The following ARHGAP26 variants were observed in gnomAD, a reference collection of about 807,000 sequenced individuals.
The protein encoded by ARHGAP26 is Rho GTPase activating protein 26.
ARHGAP26 carries 38 observed loss-of-function variants against 104.8 expected under a neutral mutation model. The ratio of observed to expected loss-of-function variants is 0.36; its 90% CI spans 0.28 to 0.48. The LOEUF is 0.48. Ranked by LOEUF, ARHGAP26 falls within the 20% of genes least tolerant of loss-of-function variation. The pLI is 0.99. For synonymous variants in ARHGAP26, 341 were observed against 340.0 expected (o/e 1.00, Z -0.03); for missense variants, 704 against 947.9 (o/e 0.74, Z 3.38).
At chr5:143,005,253 C>T (rs945640698) in intron 11 of ARHGAP26, among the ~76,000 whole-genome samples, 1 of 152,230 alleles carries the variant, frequency 6.6e-6, no homozygotes, top group African/African-American at 2.4e-5. Context: ...TCATTCATGG[C>T]CCTGCATTTC....
At chr5:142,846,396 T>C (rs1436698878) in intron 1 of ARHGAP26, among the ~76,000 whole-genome samples, 1 of 152,148 alleles carries the variant, frequency 6.6e-6, no homozygotes, top group Non-Finnish European at 1.5e-5. Context: ...TGTCTCTTGC[T>C]CCCAGGGGAA....
chr5:143,106,724 C>T (rs1016148070), intron 17 of ARHGAP26, among the ~76,000 whole-genome samples: 9 of 152,088 alleles, frequency 5.9e-5, no homozygotes, highest in African/African-American at 1.4e-4. Context: ...CCACCCACCT[C>T]GGCCTTCCAA....
chr5:142,800,774 G>A (rs1761939993), intron 1 of ARHGAP26, among the ~76,000 whole-genome samples: 2 of 152,186 alleles, frequency 1.3e-5, no homozygotes, highest in African/African-American at 4.8e-5. Context: ...CTGGCAGCAC[G>A]TTCTCTTGTG....
At chr5:142,920,157 A>G (rs1763010845) in intron 10 of ARHGAP26, among the ~76,000 whole-genome samples, 1 of 152,218 alleles carries the variant, frequency 6.6e-6, no homozygotes, top group Non-Finnish European at 1.5e-5. Context: ...AAAATGTGTC[A>G]ACTCTTTGAG....
At chr5:142,897,469 A>G (rs1434567427) in intron 6 of ARHGAP26, among the ~76,000 whole-genome samples, 1 of 152,220 alleles carries the variant, frequency 6.6e-6, no homozygotes, top group Non-Finnish European at 1.5e-5. Context: ...GTATTCATAC[A>G]GTGAAAAAGC....
chr5:143,149,383 TGATAC>T (rs1799542807), intron 20 of ARHGAP26, among the ~76,000 whole-genome samples: 1 of 152,156 alleles, frequency 6.6e-6, no homozygotes, highest in African/African-American at 2.4e-5. Flanking sequence ...GCATCAGCCC[TGATAC>T]CAGCGTCTGC....
At chr5:142,940,042 G>A (rs745529651) in intron 11 of ARHGAP26, among the ~76,000 whole-genome samples, 5 of 152,190 alleles carry the variant, frequency 3.3e-5, no homozygotes, top group Non-Finnish European at 5.9e-5. Flanking sequence ...ATGTGATTTC[G>A]TTTAGCAGTC....
chr5:142,777,951 CTG>C (rs1756686494), intron 1 of ARHGAP26, among the ~76,000 whole-genome samples: 1 of 152,186 alleles, frequency 6.6e-6, no homozygotes, highest in African/African-American at 2.4e-5. Context: ...ATGTAGGCAG[CTG>C]TGTAGAGACC....
At chr5:142,860,264 T>TCTGTA (rs1219283098) in intron 1 of ARHGAP26, 1 of 152,254 alleles carries the variant, frequency 6.6e-6, no homozygotes, top group Non-Finnish European at 1.5e-5. Flanking sequence ...ACCCTGTGCA[T>TCTGTA]CTGTACTGGT....
intron 11 of ARHGAP26, among the ~76,000 whole-genome samples, chr5:142,989,965 G>A (rs1485746690): frequency 6.6e-6 from 1 of 151,406 alleles, no homozygotes; most frequent in Non-Finnish European, 1.5e-5. Flanking sequence ...TATCTTTGTG[G>A]CTTTCTCTGT....
intron 18 of ARHGAP26, among the ~76,000 whole-genome samples, chr5:143,122,480 CACTT>C (rs1242585358): frequency 6.6e-6 from 1 of 152,106 alleles, no homozygotes; most frequent in Non-Finnish European, 1.5e-5. Flanking sequence ...CCTTTTATTC[CACTT>C]AGTCTGTTTT....
intron 10 of ARHGAP26, among the ~76,000 whole-genome samples, chr5:142,930,758 C>T (rs553838586): frequency 1.3e-5 from 2 of 152,194 alleles, no homozygotes; most frequent in East Asian, 1.9e-4. Context: ...TACATGCCCA[C>T]GGCTCTAAAT....
chr5:143,160,297 G>A (rs771322215), intron 20 of ARHGAP26, among the ~76,000 whole-genome samples: 23 of 151,814 alleles, frequency 1.5e-4, no homozygotes, highest in African/African-American at 5.1e-4. Flanking sequence ...CTGACCTCAC[G>A]ATCCACCTGC....
In ARHGAP26 at chr5:142,902,056, A is replaced by G. The variant is rs1161951085; in HGVS notation, c.702+17A>G. ...ATACAGAACGTGAGTGGGCATAGGG[A>G]CAGGCTTCTTTTATCTGGTTAAGGA... On this transcript the variant is annotated intron_variant, in intron 7 of 22. Transcript: ENST00000645722. 6.2e-7 allele frequency: 1 copy of G among 1,604,308 alleles called. No individual in the cohort carries two copies. The highest frequency in any genetic ancestry group is 2.2e-5 in the East Asian group (1 of 44,790).
Position 143,116,667 on chromosome 5 carries a change from C to T in ARHGAP26, c.1539-4321C>T, listed in dbSNP as rs3776304. 7.6e-4 allele frequency among the ~76,000 whole-genome samples: 116 copies of T among 152,336 alleles called. 3 individuals carry two copies. In the East Asian group the frequency reaches 0.014, roughly 19 times the overall value. ...GCTCCCTCTGCCACCATCCCCACCA[C>T]CATCTTTATCTGGAAGTGATTTACC... On this transcript the variant is annotated intron_variant, in intron 17 of 22. Transcript: ENST00000645722.
intron 17 of ARHGAP26, among the ~76,000 whole-genome samples, chr5:143,101,787 C>T (rs144462684): frequency 6.6e-6 from 1 of 151,666 alleles, no homozygotes; most frequent in Non-Finnish European, 1.5e-5. Context: ...GCATGTTCTA[C>T]ACAAAATTTA....
intron 1 of ARHGAP26, among the ~76,000 whole-genome samples, chr5:142,867,315 G>A (rs1201993917): frequency 6.8e-6 from 1 of 147,976 alleles, no homozygotes; most frequent in Non-Finnish European, 1.5e-5. Context: ...GTGTGTGTGT[G>A]TGTGTGTGTG....
intron 20 of ARHGAP26, among the ~76,000 whole-genome samples, chr5:143,186,688 C>G (rs1278745593): frequency 1.3e-5 from 2 of 152,194 alleles, no homozygotes; most frequent in African/African-American, 2.4e-5. Flanking sequence ...AATTTGATAC[C>G]TGTGGACCTA....
chr5:142,977,440 G>A (rs1773266821), intron 11 of ARHGAP26, among the ~76,000 whole-genome samples: 1 of 152,112 alleles, frequency 6.6e-6, no homozygotes, highest in South Asian at 2.1e-4. Flanking sequence ...AACAGTGGAA[G>A]AATCCTGTTT....
Sources: allele counts gnomAD v4.1 joint callset (sites outside exome capture counted in the v4.1 genomes callset), GRCh38; gene constraint gnomAD v4.1.1; transcripts MANE v1.5; gene names NCBI Gene and HGNC (gene_info 2026-07-23, HGNC 2026-07-21).